SGCZ: variants seen among roughly 807,000 people sequenced by gnomAD.
SGCZ encodes the protein sarcoglycan zeta, also known as zeta-sarcoglycan.
In SGCZ, 40 loss-of-function variants were observed where a neutral mutation model predicts 41.3. That is an observed-to-expected ratio of 0.97 (90% confidence interval 0.75 to 1.26). The LOEUF is 1.26. SGCZ is among the 50% of genes most tolerant of loss of function. The pLI is 0.00. For missense variants in SGCZ, 552 were observed against 369.8 expected (o/e 1.49, Z -4.04); for synonymous variants, 206 against 137.5 (o/e 1.50, Z -3.49).
intron 6 of SGCZ, among the ~76,000 whole-genome samples, chr8:14,106,593 G>A (rs552034443): frequency 6.6e-6 from 1 of 152,112 alleles, no homozygotes; most frequent in Non-Finnish European, 1.5e-5. Flanking sequence ...TGGTTTCGTT[G>A]CCTTAAAGAT....
chr8:14,456,560 C>G (rs1800750900), intron 2 of SGCZ, among the ~76,000 whole-genome samples: 1 of 151,868 alleles, frequency 6.6e-6, no homozygotes, highest in African/African-American at 2.4e-5. Context: ...CAAAGAAACA[C>G]AAGGAGGACA....
At chr8:14,348,370 G>T (rs930629998) in intron 2 of SGCZ, among the ~76,000 whole-genome samples, 1 of 152,026 alleles carries the variant, frequency 6.6e-6, no homozygotes, top group Admixed American at 6.6e-5. Flanking sequence ...CTCACTTCTT[G>T]TGTCCCTGGC....
At chr8:14,248,665 A>C (rs936171280) in intron 3 of SGCZ, among the ~76,000 whole-genome samples, 1 of 152,104 alleles carries the variant, frequency 6.6e-6, no homozygotes, top group Non-Finnish European at 1.5e-5. Flanking sequence ...AGAAATGGAG[A>C]GCTTAAGAGA....
intron 1 of SGCZ, among the ~76,000 whole-genome samples, chr8:15,035,269 G>C (rs573404191): frequency 6.6e-6 from 1 of 152,110 alleles, no homozygotes; most frequent in South Asian, 2.1e-4. Context: ...TTTGTTATCA[G>C]CTTAAACTAG....
intron 4 of SGCZ, among the ~76,000 whole-genome samples, chr8:14,209,647 G>A (rs1473477034): frequency 1.3e-5 from 2 of 152,000 alleles, no homozygotes; most frequent in East Asian, 3.9e-4. Flanking sequence ...GTCAGCAAAT[G>A]TACATTCAAT....
At chr8:14,930,732 A>G (rs7841147) in intron 1 of SGCZ, among the ~76,000 whole-genome samples, 9 of 151,874 alleles carry the variant, frequency 5.9e-5, no homozygotes, top group African/African-American at 2.2e-4. Context: ...AGACTAACAC[A>G]GGAACAGAAA....
intron 2 of SGCZ, among the ~76,000 whole-genome samples, chr8:14,352,760 T>C (rs1169650051): frequency 3.3e-5 from 5 of 152,102 alleles, no homozygotes; most frequent in Non-Finnish European, 7.4e-5. Flanking sequence ...ATAAAAACAT[T>C]GCTGATATCT....
intron 2 of SGCZ, among the ~76,000 whole-genome samples, chr8:14,355,853 T>C (rs1007187559): frequency 3.3e-5 from 5 of 152,152 alleles, no homozygotes; most frequent in East Asian, 1.9e-4. Context: ...AGATCTTCTA[T>C]ATTTTGACAT....
rs142705735 is a variant in SGCZ, at chr8:15,016,517, C to T, written c.39+221068G>A. Among the ~76,000 whole-genome samples, 56 of 152,304 alleles carry T rather than the reference C, an allele frequency of 3.7e-4. No homozygotes were observed. The East Asian group carries it at 9.8e-3, about 27-fold the overall frequency. On this transcript the variant is annotated intron_variant, in intron 1 of 7. Coordinates refer to ENST00000382080, the MANE Select transcript of SGCZ (RefSeq NM_139167.4). The stretch of plus-strand genomic sequence containing the variant: ...GAGACACAAAGAAAGAATAAAGCGA[C>T]TTCTTCCAGGGGCGTAGACCAGGAA...
chr8:15,090,186 A>T (rs1806104940), intron 1 of SGCZ, among the ~76,000 whole-genome samples: 1 of 152,326 alleles, frequency 6.6e-6, no homozygotes, highest in Non-Finnish European at 1.5e-5. Context: ...CATCCACAAG[A>T]AGCAAATTTA....
intron 2 of SGCZ, among the ~76,000 whole-genome samples, chr8:14,478,913 C>T (rs1052685991): frequency 1.3e-5 from 2 of 152,110 alleles, no homozygotes; most frequent in African/African-American, 2.4e-5. Context: ...GCTCACCTTC[C>T]TGTATCTACA....
At chr8:14,362,674 G>A (rs1397671089) in intron 2 of SGCZ, among the ~76,000 whole-genome samples, 1 of 152,134 alleles carries the variant, frequency 6.6e-6, no homozygotes, top group East Asian at 1.9e-4. Flanking sequence ...ACCCCATGCT[G>A]CTTTGGCTCA....
intron 5 of SGCZ, among the ~76,000 whole-genome samples, chr8:14,124,470 G>C (rs1417054624): frequency 6.6e-6 from 1 of 152,142 alleles, no homozygotes; most frequent in Non-Finnish European, 1.5e-5. Flanking sequence ...ACAATGGTCA[G>C]CTTGATTAAT....
intron 1 of SGCZ, among the ~76,000 whole-genome samples, chr8:14,769,443 C>A (rs945349675): frequency 6.6e-6 from 1 of 152,084 alleles, no homozygotes; most frequent in African/African-American, 2.4e-5. Flanking sequence ...AATTTGAAAG[C>A]AAAATCTAAT....
intron 1 of SGCZ, among the ~76,000 whole-genome samples, chr8:14,855,692 G>A (rs754852600): frequency 6.6e-6 from 1 of 152,144 alleles, no homozygotes; most frequent in Non-Finnish European, 1.5e-5. Context: ...TGCCAACAGA[G>A]GCCTGAGTCT....
chr8:14,761,750 C>G (rs1006967230), intron 1 of SGCZ, among the ~76,000 whole-genome samples: 3 of 151,844 alleles, frequency 2.0e-5, no homozygotes, highest in African/African-American at 7.3e-5. Flanking sequence ...AGTACAAACT[C>G]CTGAACTCAA....
chr8:14,716,945 A>G (rs898138596), intron 1 of SGCZ, among the ~76,000 whole-genome samples: 12 of 152,076 alleles, frequency 7.9e-5, no homozygotes, highest in South Asian at 2.1e-4. Flanking sequence ...ATTTCATCTT[A>G]TTAATAATAC....
At chr8:15,149,711 C>CAAAAAAAAAAAA (rs750167614) in intron 1 of SGCZ, among the ~76,000 whole-genome samples, 6 of 57,222 alleles carry the variant, frequency 1.0e-4, no homozygotes, top group African/African-American at 2.3e-4. Context: ...CTATAAACTA[C>CAAAAAAAAAAAA]AAAAAAAAAA....
At chr8:14,942,430 T>C (rs1346135525) in intron 1 of SGCZ, among the ~76,000 whole-genome samples, 3 of 152,128 alleles carry the variant, frequency 2.0e-5, no homozygotes, top group Non-Finnish European at 2.9e-5. Context: ...GTAACTCTTT[T>C]AACAAACTAA....
Sources: gnomAD v4.1 joint callset for allele counts (sites outside exome capture counted in the v4.1 genomes callset) on GRCh38, gnomAD v4.1.1 for gene constraint, MANE v1.5 for transcripts, NCBI Gene and HGNC (gene_info 2026-07-23, HGNC 2026-07-21) for gene names.